The following GPAT4 variants were observed in gnomAD, a reference collection of about 807,000 sequenced individuals.
GPAT4 encodes the protein glycerol-3-phosphate acyltransferase 4, also known as 1-AGP acyltransferase 6.
In GPAT4, 17 loss-of-function variants were observed where a neutral mutation model predicts 58.0. That is an observed-to-expected ratio of 0.29 (90% CI 0.20 to 0.44). GPAT4 has a LOEUF of 0.44. Ranked by LOEUF, GPAT4 falls within the 20% of genes least tolerant of loss-of-function variation. The pLI, the probability that GPAT4 is intolerant of heterozygous loss-of-function variation, is 1.00. For synonymous variants in GPAT4, 204 were observed against 210.1 expected, an observed-to-expected ratio of 0.97 and a Z score of 0.25; for missense variants, 377 against 574.5, an observed-to-expected ratio of 0.66 and a Z score of 3.51.
intron 10 of GPAT4, among the ~76,000 whole-genome samples, chr8:41,616,477 TAG>T (rs1803597769): frequency 6.6e-6 from 1 of 152,204 alleles, no homozygotes; most frequent in African/African-American, 2.4e-5. Flanking sequence ...TTAATTTTTG[TAG>T]AGACGGAGTT....
Position 41,601,808 on chromosome 8 carries a change from A to T in GPAT4, c.165+2504A>T, listed in dbSNP as rs545941344. On this transcript the variant is annotated intron_variant, in intron 2 of 12. Coordinates refer to ENST00000396987, the MANE Select transcript of GPAT4 (RefSeq NM_178819.4). Reference sequence around the variant, plus strand: ...ATTGTGACTATTATTTAAAATGTACATCCCTATGACTTTTAATGTAGATTA... The same window carrying T: ...ATTGTGACTATTATTTAAAATGTACTTCCCTATGACTTTTAATGTAGATTA... 3.9e-5 allele frequency among the ~76,000 whole-genome samples: 6 copies of T among 152,350 alleles called. No homozygotes were observed. The South Asian group carries it at 1.2e-3, about 32-fold the overall frequency.
chr8:41,618,184 G>A (rs1331959648), intron 10 of GPAT4, among the ~76,000 whole-genome samples: 1 of 152,146 alleles, frequency 6.6e-6, no homozygotes, highest in Non-Finnish European at 1.5e-5. Flanking sequence ...CCTGGTCTGG[G>A]CACCAGAAAT....
chr8:41,615,601 A>C (rs1245534140), intron 10 of GPAT4, among the ~76,000 whole-genome samples: 2 of 152,070 alleles, frequency 1.3e-5, no homozygotes. Context: ...CTGCTCCTCT[A>C]ACCCTTCAGA....
chr8:41,602,762 G>A (rs1411637273), intron 2 of GPAT4, among the ~76,000 whole-genome samples: 1 of 152,130 alleles, frequency 6.6e-6, no homozygotes, highest in Non-Finnish European at 1.5e-5. Context: ...TGGGTTGGGT[G>A]GCTTAAAAAA....
At chr8:41,579,675 TA>T (rs1302461742) in intron 1 of GPAT4, among the ~76,000 whole-genome samples, 1 of 152,028 alleles carries the variant, frequency 6.6e-6, no homozygotes, top group Non-Finnish European at 1.5e-5. Flanking sequence ...CTGCATATAC[TA>T]AAAATACAAA....
At position 41,609,540 on chromosome 8, in the gene GPAT4, A is replaced by G. The variant is rs368354440; in HGVS notation, c.235+55A>G. 3.3e-4 allele frequency: 525 copies of G among 1,606,496 alleles called. 1 individual carries two copies. Among genetic ancestry groups the G allele is most frequent in the Middle Eastern group, 3.0e-3 (18 of 6,046 alleles). On this transcript the variant is annotated intron_variant, in intron 3 of 12. Coordinates refer to ENST00000396987, the MANE Select transcript of GPAT4 (RefSeq NM_178819.4). ...GAGGTCCATTTGAACAGTGTTCCCC[A>G]GTGCTTCTGGTGCCACACACGCTCT...
At chr8:41,620,384 G>A (rs1467205694) in intron 12 of GPAT4, among the ~76,000 whole-genome samples, 2 of 152,184 alleles carry the variant, frequency 1.3e-5, no homozygotes, top group Non-Finnish European at 2.9e-5. Context: ...CATTCCTGAC[G>A]GCACTCTTTT....
rs71230849 is a variant in GPAT4, at chr8:41,581,993, A to ATTTTTTT, written c.-849+3741_-849+3747dup. Among the ~76,000 whole-genome samples the ATTTTTTT allele has an allele frequency of 1.0e-3, 66 of 63,606 alleles. 6 individuals are homozygous for ATTTTTTT. Among genetic ancestry groups the ATTTTTTT allele is most frequent in the Admixed American group, 4.8e-3 (18 of 3,718 alleles). The allele number at this position is 63,606 out of a possible 152,430, so 41.7% of individuals were successfully genotyped here. Reference sequence around the variant, plus strand: ...AGCTTAAATCAAGGGAAGTTCAATGATTTTTTTTTTTTTTTTTTTTTTTTT... The same window carrying ATTTTTTT: ...AGCTTAAATCAAGGGAAGTTCAATGATTTTTTTTTTTTTTTTTTTTTTTTTTTTTTTT... On this transcript the variant is annotated intron_variant, in intron 1 of 12. Coordinates refer to ENST00000396987, the MANE Select transcript of GPAT4 (RefSeq NM_178819.4).
At position 41,611,928 on chromosome 8, in the gene GPAT4, G is replaced by A. The variant is rs144971917; in HGVS notation, c.637G>A (p.Val213Ile). 69 of 1,614,084 alleles carry A rather than the reference G, an allele frequency of 4.3e-5. No homozygotes were observed. The highest frequency in any genetic ancestry group is 5.5e-5 in the Non-Finnish European group (65 of 1,180,046). ...GRFKEFMSKH[V>I]HLMCYRICVR... ...GTTTAAGGAGTTCATGAGTAAACAT[G>A]TTCACTTAATGTGTTACCGGATCTG... The change falls in exon 6 of 13, where the codon GTT becomes ATT. Residue 213 changes from valine (V) to isoleucine (I), a missense_variant. By Grantham distance (29) the Val-to-Ile change is conservative (BLOSUM62 3). Transcript: ENST00000396987.
At chr8:41,581,992 G>GTTTT (rs1802524955) in intron 1 of GPAT4, among the ~76,000 whole-genome samples, 2 of 78,754 alleles carry the variant, frequency 2.5e-5, no homozygotes, top group Admixed American at 3.4e-4. Context: ...GAAGTTCAAT[G>GTTTT]ATTTTTTTTT....
intron 1 of GPAT4, among the ~76,000 whole-genome samples, chr8:41,581,097 T>C (rs1327512098): frequency 1.3e-5 from 2 of 152,248 alleles, no homozygotes; most frequent in Non-Finnish European, 1.5e-5. Context: ...TACTGTGTCA[T>C]TGTGCTCATG....
rs185643109 is a variant in GPAT4 at position 41,624,802 on chromosome 8, G to A, written c.*3801G>A. On this transcript the variant is annotated 3_prime_UTR_variant, in exon 13 of 13. Coordinates refer to ENST00000396987, the MANE Select transcript of GPAT4 (RefSeq NM_178819.4). ...GGGGGAACTTTTCATTGCGCCAGGG[G>A]TGGCACCTGGCGTGTGTTGCGGGGG... The A allele has an allele frequency of 5.9e-5, 9 of 152,230 alleles. No individual in the cohort carries two copies. Among genetic ancestry groups the A allele is most frequent in the Admixed American group, 3.3e-4 (5 of 15,292 alleles). 9.4% of individuals were successfully genotyped at this position (152,230 alleles called of 1,614,324 possible).
At chr8:41,592,036 G>A (rs1310209325) in intron 1 of GPAT4, among the ~76,000 whole-genome samples, 1 of 152,190 alleles carries the variant, frequency 6.6e-6, no homozygotes, top group African/African-American at 2.4e-5. Context: ...GAGCCATCTT[G>A]TGCCCAATTA....
At chr8:41,589,068 G>C (rs1394442230) in intron 1 of GPAT4, among the ~76,000 whole-genome samples, 2 of 152,148 alleles carry the variant, frequency 1.3e-5, no homozygotes. Context: ...GTAAAAGAAC[G>C]GTTATCTAGA....
intron 1 of GPAT4, among the ~76,000 whole-genome samples, chr8:41,588,501 C>CTTCTCTCTT (rs1169850784): frequency 6.6e-6 from 1 of 151,884 alleles, no homozygotes; most frequent in African/African-American, 2.4e-5. Context: ...CCTTTTCTCT[C>CTTCTCTCTT]TTCTCTCTTT....
intron 1 of GPAT4, among the ~76,000 whole-genome samples, chr8:41,583,480 C>G (rs1802577910): frequency 1.3e-5 from 2 of 151,966 alleles, no homozygotes; most frequent in East Asian, 3.9e-4. Flanking sequence ...AAAGTAGAAA[C>G]AGGTGAAAAT....
chr8:41,615,259 T>C (rs1392167451), intron 10 of GPAT4, among the ~76,000 whole-genome samples: 1 of 152,116 alleles, frequency 6.6e-6, no homozygotes, highest in Non-Finnish European at 1.5e-5. Context: ...GAGTGTGGAA[T>C]GGGGGACAGC....
At chr8:41,606,915 A>G (rs1172138071) in intron 2 of GPAT4, among the ~76,000 whole-genome samples, 2 of 152,150 alleles carry the variant, frequency 1.3e-5, no homozygotes, top group African/African-American at 2.4e-5. Flanking sequence ...GAGAAAGTCT[A>G]TTTGCATCTG....
intron 7 of GPAT4, 94 bp downstream of exon 7, chr8:41,612,367 T>G (rs973343747): frequency 7.9e-7 from 1 of 1,273,124 alleles, no homozygotes; most frequent in African/African-American, 1.5e-5. Context: ...ATAAACACAT[T>G]TATGCGTGGG....
Sources: gnomAD v4.1 joint callset for allele counts (sites outside exome capture counted in the v4.1 genomes callset) on GRCh38, gnomAD v4.1.1 for gene constraint, MANE v1.5 for transcripts, NCBI Gene and HGNC (gene_info 2026-07-23, HGNC 2026-07-21) for gene names.